Variants in CECR2 observed in about 807,000 individuals in gnomAD.
CECR2 encodes chromatin remodeling regulator CECR2.
Under a neutral mutation model 154.5 loss-of-function variants are expected in CECR2, and 30 were observed. The observed-to-expected ratio is 0.19, with a 90% CI of 0.15 to 0.26. The LOEUF (loss-of-function observed/expected upper bound fraction) is 0.26, where lower values mean the gene tolerates loss of function less well. CECR2 is among the 10% of genes least tolerant of loss of function. The pLI, the probability that CECR2 is intolerant of heterozygous loss-of-function variation, is 1.00. For synonymous variants in CECR2, 725 were observed against 683.7 expected, an observed-to-expected ratio of 1.06 and a Z score of -0.94; for missense variants, 1,743 against 1,829.3, an observed-to-expected ratio of 0.95 and a Z score of 0.86.
intron 1 of CECR2, among the ~76,000 whole-genome samples, chr22:17,468,801 A>C (rs540947468): frequency 6.6e-6 from 1 of 152,288 alleles, no homozygotes; most frequent in South Asian, 2.1e-4. Context: ...ACAAAATATC[A>C]CAGACTGAGT....
chr22:17,394,197 CTTTTTT>C (rs71200271), intron 1 of CECR2, among the ~76,000 whole-genome samples: 14 of 97,088 alleles, frequency 1.4e-4, no homozygotes, highest in African/African-American at 5.0e-4. Flanking sequence ...GCTGCCGCTG[CTTTTTT>C]TTTTTTTTTT....
chr22:17,543,389 C>T (rs2056562100), intron 16 of CECR2, among the ~76,000 whole-genome samples: 1 of 152,088 alleles, frequency 6.6e-6, no homozygotes. Flanking sequence ...CCCCGTCGGC[C>T]TCCCAAAGTA....
chr22:17,540,063 G>A (rs558010049), intron 13 of CECR2, among the ~76,000 whole-genome samples: 37 of 152,226 alleles, frequency 2.4e-4, no homozygotes, highest in African/African-American at 8.2e-4. Context: ...GAACTCCTGG[G>A]CTCAAGTGAT....
rs780121464 is a variant in CECR2 at position 17,538,568 on chromosome 22, A to G, written c.1276+11A>G. 3.7e-6 allele frequency: 6 copies of G among 1,613,680 alleles called. No individual in the cohort carries two copies. The highest frequency in any genetic ancestry group is 5.1e-6 in the Non-Finnish European group (6 of 1,179,694). Reference sequence around the variant, plus strand: ...CTGCTATGTATAAAGGTTAGTTCCCATTCTCCACTGTTCTGTTTGTGATAG... The same window carrying G: ...CTGCTATGTATAAAGGTTAGTTCCCGTTCTCCACTGTTCTGTTTGTGATAG... On this transcript the variant is annotated intron_variant, in intron 11 of 18. Coordinates refer to ENST00000262608, the MANE Select transcript of CECR2 (RefSeq NM_001290047.2).
intron 1 of CECR2, among the ~76,000 whole-genome samples, chr22:17,361,562 A>G (rs1489295685): frequency 6.6e-6 from 1 of 151,948 alleles, no homozygotes; most frequent in Non-Finnish European, 1.5e-5. Context: ...GACACTTTAC[A>G]AAGTATAATC....
intron 1 of CECR2, among the ~76,000 whole-genome samples, chr22:17,463,253 T>A (rs551413419): frequency 6.6e-6 from 1 of 152,250 alleles, no homozygotes; most frequent in East Asian, 1.9e-4. Flanking sequence ...GATGTTAGCG[T>A]GTCAGCAGGA....
At chr22:17,528,401 G>C (rs916962599) in intron 9 of CECR2, among the ~76,000 whole-genome samples, 5 of 152,182 alleles carry the variant, frequency 3.3e-5, no homozygotes, top group Non-Finnish European at 7.3e-5. Context: ...ATGGTTACCA[G>C]AGGCTGGGAA....
chr22:17,548,708 G>A lies in CECR2; in HGVS notation c.3421G>A (p.Gly1141Ser). Reference sequence around the variant, plus strand: ...TTACCACATCAGTCCAGGCCTGCAGGGTGTGGGCCCTGTGATGGGAGGGAA... The same window carrying A: ...TTACCACATCAGTCCAGGCCTGCAGAGTGTGGGCCCTGTGATGGGAGGGAA... ...AHYHISPGLQGVGPVMGGKSP... is the reference protein window; with the variant it reads ...AHYHISPGLQSVGPVMGGKSP... The change falls in exon 17 of 19, where the codon GGT becomes AGT. Residue 1141 changes from glycine to serine, a missense_variant. By Grantham distance (56) the Gly-to-Ser change is moderately conservative. Around this residue, in one of 4 missense-constraint regions of CECR2, gnomAD observed 1,250 missense variants for 1,192.1 expected, o/e 1.05. Coordinates refer to ENST00000262608, the MANE Select transcript of CECR2 (RefSeq NM_001290047.2). 6.2e-7 allele frequency: 1 copy of A among 1,613,598 alleles called. No individual in the cohort carries two copies. The highest frequency in any genetic ancestry group is 1.1e-5 in the South Asian group (1 of 91,012).
intron 1 of CECR2, among the ~76,000 whole-genome samples, chr22:17,422,236 G>T (rs1443633820): frequency 5.9e-5 from 9 of 152,006 alleles, no homozygotes; most frequent in Admixed American, 5.9e-4. Flanking sequence ...CTCACTCTGT[G>T]GCCTAGGCTG....
intron 8 of CECR2, among the ~76,000 whole-genome samples, chr22:17,523,450 G>A (rs2056193584): frequency 1.3e-5 from 2 of 151,348 alleles, no homozygotes; most frequent in Non-Finnish European, 2.9e-5. Flanking sequence ...AAACTTCCTA[G>A]CGCTTTTTAA....
chr22:17,360,929 G>A (rs946587104), intron 1 of CECR2, among the ~76,000 whole-genome samples: 2 of 152,152 alleles, frequency 1.3e-5, no homozygotes, highest in African/African-American at 4.8e-5. Flanking sequence ...TTGGGAGGCT[G>A]AGGCGGGTAG....
chr22:17,481,049 T>TAAAAAAAAAACAAAAAAA (rs2055304310), intron 2 of CECR2, among the ~76,000 whole-genome samples: 1 of 92,068 alleles, frequency 1.1e-5, no homozygotes, highest in African/African-American at 3.7e-5. Context: ...CTTTTTTTTT[T>TAAAAAAAAAACAAAAAAA]AAAAAAAAAA....
chr22:17,414,628 T>C (rs1472351623), intron 1 of CECR2, among the ~76,000 whole-genome samples: 1 of 152,062 alleles, frequency 6.6e-6, no homozygotes, highest in Admixed American at 6.6e-5. Context: ...AACTTGTCAT[T>C]TACATTAGGT....
At chr22:17,474,953 C>T (rs1220254997) in intron 1 of CECR2, among the ~76,000 whole-genome samples, 1 of 152,108 alleles carries the variant, frequency 6.6e-6, no homozygotes, top group Non-Finnish European at 1.5e-5. Flanking sequence ...TAATTTGGTA[C>T]TTCCATGCTT....
intron 1 of CECR2, among the ~76,000 whole-genome samples, chr22:17,434,657 C>G (rs1052820596): frequency 2.7e-5 from 4 of 148,334 alleles, no homozygotes; most frequent in Non-Finnish European, 6.0e-5. Flanking sequence ...CCCCCTGCTG[C>G]TCCCCGTAGC....
chr22:17,538,094 C>G (rs757038424), intron 10 of CECR2, among the ~76,000 whole-genome samples: 3 of 152,054 alleles, frequency 2.0e-5, no homozygotes, highest in Non-Finnish European at 4.4e-5. Context: ...AGCACACACC[C>G]GTAGTCCCAA....
intron 1 of CECR2, among the ~76,000 whole-genome samples, chr22:17,362,410 G>C (rs1341537492): frequency 1.3e-5 from 2 of 152,128 alleles, no homozygotes; most frequent in Non-Finnish European, 2.9e-5. Context: ...GACCAGCACT[G>C]CCCAATACAG....
At chr22:17,477,734 C>T in intron 2 of CECR2, 52 bp downstream of exon 2, 2 of 1,272,050 alleles carry the variant, frequency 1.6e-6, no homozygotes, top group East Asian at 2.3e-5. Context: ...ACTAATTAAC[C>T]AACCATAGTG....
intron 16 of CECR2, 100 bp from the exon 17 acceptor site, chr22:17,548,048 C>A: frequency 8.8e-7 from 1 of 1,133,442 alleles, no homozygotes; most frequent in Non-Finnish European, 1.2e-6. Flanking sequence ...CTTGAATCAC[C>A]ACACATCCAC....
Sources: allele counts gnomAD v4.1 joint callset (sites outside exome capture counted in the v4.1 genomes callset), GRCh38; gene constraint gnomAD v4.1.1; regional missense constraint gnomAD v4.1.1; transcripts MANE v1.5; gene names NCBI Gene and HGNC (gene_info 2026-07-23, HGNC 2026-07-21).